Variants in DMD observed in about 807,000 individuals in gnomAD.
DMD encodes the protein mutant dystrophin.
DMD carries 63 observed loss-of-function variants against 330.1 expected under a neutral mutation model. The observed-to-expected ratio is 0.19, with a 90% confidence interval of 0.16 to 0.24. The LOEUF is 0.24. Among genes scored for constraint, DMD ranks in the 10% least tolerant of loss-of-function variants. The pLI is 1.00. For missense variants in DMD, 3,344 were observed against 2,684.1 expected (o/e 1.25, Z -5.43); for synonymous variants, 1,223 against 959.8 (o/e 1.27, Z -5.07).
intron 23 of DMD, 120 bp downstream of exon 23, chrX:32,468,378 C>T (rs2040271844): frequency 1.6e-6 from 1 of 616,215 alleles, no homozygotes; most frequent in African/African-American, 2.3e-5. Context: ...TTTTCATCTT[C>T]TCACTAACTT....
chrX:31,744,296 T>C (rs1291011876), intron 51 of DMD, among the ~76,000 whole-genome samples: 1 of 111,202 alleles, frequency 9.0e-6, no homozygotes, highest in Non-Finnish European at 1.9e-5. Context: ...ATTGAGCAAA[T>C]TACCAAAACG....
At chrX:31,360,925 T>A (rs2058905956) in intron 60 of DMD, among the ~76,000 whole-genome samples, 2 of 111,622 alleles carry the variant, frequency 1.8e-5, no homozygotes. Flanking sequence ...TGTTATAAGG[T>A]GAGCACTGAG....
intron 44 of DMD, among the ~76,000 whole-genome samples, chrX:32,212,793 G>A (rs781177330): frequency 1.3e-4 from 15 of 111,787 alleles, no homozygotes; most frequent in Non-Finnish European, 2.3e-4. Flanking sequence ...GTAAAAAAAT[G>A]GGATATTTTT....
intron 55 of DMD, among the ~76,000 whole-genome samples, chrX:31,557,535 C>T (rs2074917925): frequency 8.9e-6 from 1 of 112,076 alleles, no homozygotes; most frequent in Admixed American, 9.5e-5. Context: ...TCCCCAACTA[C>T]ACTCTAGGCT....
chrX:32,638,287 C>A (rs953479881), intron 11 of DMD, among the ~76,000 whole-genome samples: 2 of 111,490 alleles, frequency 1.8e-5, no homozygotes, highest in African/African-American at 6.5e-5. Flanking sequence ...AATATCAGCA[C>A]CATTTTTAGA....
At position 32,771,638 on chromosome X, in the gene DMD, TAAC is replaced by T. The variant is rs759880848; in HGVS notation, c.649+37852_649+37854del. 3.2e-3 allele frequency among the ~76,000 whole-genome samples: 354 copies of T among 111,362 alleles called. 1 individual carries two copies. Among genetic ancestry groups the T allele is most frequent in the Non-Finnish European group, 3.4e-3 (179 of 53,102 alleles). On this transcript the variant is annotated intron_variant, in intron 7 of 78. Coordinates refer to ENST00000357033, the MANE Select transcript of DMD (RefSeq NM_004006.3). ...CAGTGTCTCACCCCTGAAAGATGCATAACAACAATTGGTTAAATATAACTAAAT... is the reference window on the plus strand; with the variant it reads ...CAGTGTCTCACCCCTGAAAGATGCATAACAATTGGTTAAATATAACTAAAT...
chrX:32,908,383 C>CA (rs777153707), intron 2 of DMD, among the ~76,000 whole-genome samples: 1 of 111,579 alleles, frequency 9.0e-6, no homozygotes, highest in Non-Finnish European at 1.9e-5. Context: ...CTACAATTTC[C>CA]AAAAAACACT....
At chrX:32,534,669 C>G (rs774022722) in intron 17 of DMD, among the ~76,000 whole-genome samples, 122 of 111,418 alleles carry the variant, frequency 1.1e-3, no homozygotes, top group African/African-American at 3.9e-3. Flanking sequence ...TGTGTCCTCC[C>G]AAGGCAGGGA....
At chrX:32,059,745 A>G (rs1467406161) in intron 44 of DMD, among the ~76,000 whole-genome samples, 1 of 111,409 alleles carries the variant, frequency 9.0e-6, no homozygotes, top group East Asian at 2.8e-4. Flanking sequence ...AGTGCTAAGG[A>G]TTCACTCAGG....
At chrX:31,713,647 T>C (rs2084809895) in intron 52 of DMD, among the ~76,000 whole-genome samples, 1 of 111,735 alleles carries the variant, frequency 8.9e-6, no homozygotes, top group African/African-American at 3.2e-5. Context: ...CCTTCATACA[T>C]TGTTCATAAA....
chrX:32,390,032 AACGAAAAC>A (rs760959967), intron 31 of DMD, 31 bp downstream of exon 31: 1 of 1,087,672 alleles, frequency 9.2e-7, no homozygotes, highest in South Asian at 1.8e-5. Flanking sequence ...TATAATGCCC[AACGAAAAC>A]ACGTTCCTTA....
intron 60 of DMD, among the ~76,000 whole-genome samples, chrX:31,421,902 C>T (rs371932439): frequency 1.2e-3 from 73 of 61,443 alleles, no homozygotes; most frequent in African/African-American, 2.1e-3. Context: ...TATATATATA[C>T]ACACACACAC....
chrX:31,295,523 C>T (rs1261598325), intron 62 of DMD, among the ~76,000 whole-genome samples: 1 of 111,312 alleles, frequency 9.0e-6, no homozygotes, highest in East Asian at 2.8e-4. Context: ...AAGCGATTCT[C>T]CTGCCTCAGC....
chrX:31,656,962 A>G (rs1239294540), intron 54 of DMD, among the ~76,000 whole-genome samples: 4 of 111,397 alleles, frequency 3.6e-5, no homozygotes, highest in Non-Finnish European at 5.7e-5. Flanking sequence ...TTTACTCTCT[A>G]ATGTCTAGCT....
intron 57 of DMD, among the ~76,000 whole-genome samples, chrX:31,494,872 A>G (rs1382229966): frequency 1.8e-5 from 2 of 111,833 alleles, no homozygotes; most frequent in Admixed American, 1.9e-4. Context: ...CCAGTGATTC[A>G]TTTTCTTTGG....
intron 2 of DMD, among the ~76,000 whole-genome samples, chrX:32,953,863 T>C (rs111887210): frequency 0.029 from 3,216 of 111,891 alleles, 114 homozygotes; most frequent in African/African-American, 0.1. Context: ...GTAAGAAATA[T>C]GGAAAGACAG....
At chrX:31,304,616 TATATA>T (rs2054887684) in intron 62 of DMD, among the ~76,000 whole-genome samples, 1 of 107,829 alleles carries the variant, frequency 9.3e-6, no homozygotes, top group Non-Finnish European at 1.9e-5. Context: ...TATATATATA[TATATA>T]ATATAAAATA....
intron 63 of DMD, among the ~76,000 whole-genome samples, chrX:31,251,568 T>C (rs1350828262): frequency 1.8e-5 from 2 of 111,965 alleles, no homozygotes; most frequent in Non-Finnish European, 3.8e-5. Context: ...CACTATGTCA[T>C]AAGAGAGACT....
chrX:31,804,768 C>T (rs1233752452), intron 50 of DMD, among the ~76,000 whole-genome samples: 1 of 110,343 alleles, frequency 9.1e-6, no homozygotes, highest in Non-Finnish European at 1.9e-5. Flanking sequence ...TTTCTCTTGC[C>T]TGGAACACTC....
Sources: gnomAD v4.1 joint callset for allele counts (sites outside exome capture counted in the v4.1 genomes callset) on GRCh38, gnomAD v4.1.1 for gene constraint, MANE v1.5 for transcripts, NCBI Gene and HGNC (gene_info 2026-07-23, HGNC 2026-07-21) for gene names.